The following EMB variants were observed in gnomAD, a reference collection of about 807,000 sequenced individuals.
EMB encodes the protein embigin, also known as embigin homolog.
In EMB, 31 loss-of-function variants were observed where a neutral mutation model predicts 41.4. The observed-to-expected ratio is 0.75, with a 90% CI of 0.56 to 1.01. The LOEUF (loss-of-function observed/expected upper bound fraction) is 1.01, where lower values mean the gene tolerates loss of function less well. Among genes scored for constraint, EMB ranks in the 50% least tolerant of loss-of-function variants. The pLI is 0.00. For missense variants in EMB, 379 were observed against 388.3 expected (o/e 0.98, Z 0.20); for synonymous variants, 137 against 140.4 (o/e 0.98, Z 0.17).
At chr5:50,412,032 A>G (rs534572130) in intron 2 of EMB, 127 of 152,218 alleles carry the variant, frequency 8.3e-4, no homozygotes, top group African/African-American at 3.0e-3. Flanking sequence ...TTCAAAATAG[A>G]TATTTATTTT....
intron 6 of EMB, 127 bp from the exon 7 acceptor site, chr5:50,402,446 G>A (rs1745179462): frequency 3.6e-6 from 3 of 840,752 alleles, no homozygotes; most frequent in African/African-American, 1.7e-5. Context: ...GAATGAAGGA[G>A]AGACATGCTA....
rs1163189119 is a variant in EMB at position 50,403,248 on chromosome 5, A to C, written c.807T>G (p.Ala269=). The change falls in exon 6 of 9, where the codon GCT becomes GCG. Residue 269 remains alanine (A), a synonymous_variant. Coordinates refer to ENST00000303221, the MANE Select transcript of EMB (RefSeq NM_198449.3). ...VPLKPFLVIV[A]EVILLVATIL... ...TGGTGGCCACTAAAAGAATCACCTC[A>C]GCCACTATTACAAGAAATGGTTTGA... 1 of 1,612,524 alleles carries C rather than the reference A, an allele frequency of 6.2e-7. No individual in the cohort carries two copies. Among genetic ancestry groups the C allele is most frequent in the Admixed American group, 1.7e-5 (1 of 59,780 alleles).
rs1745331524 is a variant in EMB, at chr5:50,411,219, T to C, written c.361A>G (p.Ser121Gly). Reference sequence around the variant, plus strand: ...CACCTGTATTGGGTATACAAGGTGCTTCCTGTTGCACTGACAAGATAATTA... The same window carrying C: ...CACCTGTATTGGGTATACAAGGTGCCTCCTGTTGCACTGACAAGATAATTA... ...ENNYLVSATG[S>G]TLYTQYRFTI... The change falls in exon 3 of 9, where the codon AGC becomes GGC. Residue 121 changes from serine (S) to glycine (G), a missense_variant. Physicochemically the swap from Ser to Gly is moderately conservative, Grantham distance 56. Coordinates refer to ENST00000303221, the MANE Select transcript of EMB (RefSeq NM_198449.3). 1.9e-6 allele frequency: 3 copies of C among 1,612,064 alleles called. No homozygotes were observed. Among genetic ancestry groups the C allele is most frequent in the Non-Finnish European group, 2.5e-6 (3 of 1,178,884 alleles).
chr5:50,403,459 T>C lies in EMB; in HGVS notation c.601-5A>G. Reference sequence around the variant, plus strand: ...CATTTGAACACCAACAGGAACCTAATATGAGGAGACATTAAAATCCATTCC... The same window carrying C: ...CATTTGAACACCAACAGGAACCTAACATGAGGAGACATTAAAATCCATTCC... On this transcript the variant is annotated splice_region_variant and splice_polypyrimidine_tract_variant and intron_variant, in intron 5 of 8. Transcript: ENST00000303221. 2 of 1,611,052 alleles carry C rather than the reference T, an allele frequency of 1.2e-6. No homozygotes were observed. The highest frequency in any genetic ancestry group is 2.2e-5 in the South Asian group (2 of 90,922).
In EMB at chr5:50,411,214, G is replaced by A. The variant is rs1745331378; in HGVS notation, c.366C>T (p.Thr122=). Residue 122 remains threonine, a synonymous_variant, in exon 3 of 9, where the codon ACC becomes ACT. Coordinates refer to ENST00000303221, the MANE Select transcript of EMB (RefSeq NM_198449.3). ...ATACTCACCTGTATTGGGTATACAA[G>A]GTGCTTCCTGTTGCACTGACAAGAT... ...NNYLVSATGS[T]LYTQYRFTII... 6.2e-7 allele frequency: 1 copy of A among 1,611,638 alleles called. No homozygotes were observed. Among genetic ancestry groups the A allele is most frequent in the East Asian group, 2.2e-5 (1 of 44,744 alleles).
chr5:50,417,396 C>A (rs951135252), intron 2 of EMB, among the ~76,000 whole-genome samples: 1 of 152,002 alleles, frequency 6.6e-6, no homozygotes, highest in Non-Finnish European at 1.5e-5. Flanking sequence ...AATACTAATC[C>A]CTTGATTCTT....
At chr5:50,417,994 G>C (rs1405682061) in intron 2 of EMB, among the ~76,000 whole-genome samples, 1 of 152,056 alleles carries the variant, frequency 6.6e-6, no homozygotes, top group Admixed American at 6.6e-5. Flanking sequence ...GGCATGTAAT[G>C]GTTATTTCTC....
intron 1 of EMB, among the ~76,000 whole-genome samples, chr5:50,438,651 C>A (rs957323933): frequency 5.1e-4 from 77 of 152,218 alleles, no homozygotes; most frequent in African/African-American, 1.8e-3. Context: ...TATCCTTTGG[C>A]AAAGAGAAAA....
At chr5:50,436,583 C>T (rs1424914140) in intron 1 of EMB, among the ~76,000 whole-genome samples, 1 of 152,192 alleles carries the variant, frequency 6.6e-6, no homozygotes, top group Non-Finnish European at 1.5e-5. Context: ...ATCTGCTGCT[C>T]CTGCACAAAA....
chr5:50,418,057 T>C (rs1442358145), intron 2 of EMB, among the ~76,000 whole-genome samples: 1 of 152,224 alleles, frequency 6.6e-6, no homozygotes, highest in Non-Finnish European at 1.5e-5. Flanking sequence ...AACAATTCTG[T>C]TTGAATTCCA....
chr5:50,424,387 T>C (rs572424618), intron 2 of EMB, among the ~76,000 whole-genome samples: 4 of 152,236 alleles, frequency 2.6e-5, no homozygotes, highest in South Asian at 2.1e-4. Context: ...CAGGAACATA[T>C]GCGCTTCTCT....
In EMB at chr5:50,400,060, T is replaced by C. The variant is rs1579718068; in HGVS notation, c.912-147A>G. ...TCCTAAAAATGTTTTACTTACAATG[T>C]TGAATTTATTTTATGGCATTGCTTG... On this transcript the variant is annotated intron_variant, in intron 7 of 8. Coordinates refer to ENST00000303221, the MANE Select transcript of EMB (RefSeq NM_198449.3). 17 of 572,620 alleles carry C rather than the reference T, an allele frequency of 3.0e-5. No individual in the cohort carries two copies. The East Asian group carries it at 5.5e-4, about 19-fold the overall frequency. The allele number at this position is 572,620 out of a possible 1,614,324, so 35.5% of individuals were successfully genotyped here.
intron 2 of EMB, among the ~76,000 whole-genome samples, chr5:50,416,430 C>A (rs1745432775): frequency 6.6e-6 from 1 of 152,116 alleles, no homozygotes; most frequent in African/African-American, 2.4e-5. Flanking sequence ...AGAGAAATGA[C>A]ATTTAGATTT....
chr5:50,430,386 T>A (rs562123867), intron 1 of EMB, among the ~76,000 whole-genome samples: 3 of 152,206 alleles, frequency 2.0e-5, no homozygotes, highest in Non-Finnish European at 4.4e-5. Context: ...ATTTCCAGCA[T>A]CATTTATTAT....
intron 1 of EMB, among the ~76,000 whole-genome samples, chr5:50,435,123 C>G (rs921382097): frequency 3.3e-5 from 5 of 152,140 alleles, no homozygotes; most frequent in African/African-American, 1.2e-4. Flanking sequence ...CTCAGGTAAA[C>G]TAATTATTTT....
chr5:50,421,855 T>C (rs1370522676), intron 2 of EMB, among the ~76,000 whole-genome samples: 1 of 127,054 alleles, frequency 7.9e-6, no homozygotes, highest in African/African-American at 3.1e-5. Flanking sequence ...TGAGAACACA[T>C]GGACACAGGA....
chr5:50,442,514 T>TACACAC (rs34576878), upstream of EMB, among the ~76,000 whole-genome samples: 2 of 150,756 alleles, frequency 1.3e-5, no homozygotes, highest in African/African-American at 2.4e-5. Flanking sequence ...TGCACACATG[T>TACACAC]ACACACACAC....
intron 2 of EMB, among the ~76,000 whole-genome samples, chr5:50,416,636 T>C (rs1745435516): frequency 6.6e-6 from 1 of 152,082 alleles, no homozygotes; most frequent in African/African-American, 2.4e-5. Flanking sequence ...ATACGACGGA[T>C]TCGATGGGAC....
At chr5:50,421,340 A>G (rs1183809935) in intron 2 of EMB, among the ~76,000 whole-genome samples, 2 of 152,244 alleles carry the variant, frequency 1.3e-5, no homozygotes, top group African/African-American at 4.8e-5. Context: ...CAAAACCACA[A>G]TGAGATACCA....
Sources: allele counts gnomAD v4.1 joint callset (sites outside exome capture counted in the v4.1 genomes callset), GRCh38; gene constraint gnomAD v4.1.1; transcripts MANE v1.5; gene names NCBI Gene and HGNC (gene_info 2026-07-23, HGNC 2026-07-21).